ME1: variants seen among roughly 807,000 people sequenced by gnomAD.
ME1 encodes NADP-dependent malic enzyme.
In ME1, 74 loss-of-function variants were observed where a neutral mutation model predicts 66.4. The ratio of observed to expected loss-of-function variants is 1.11; its 90% confidence interval spans 0.92 to 1.35. ME1 has a LOEUF of 1.35. Among genes scored for constraint, ME1 ranks in the 40% most tolerant of loss-of-function variants. The pLI is 0.00. For synonymous variants in ME1, 251 were observed against 235.6 expected (o/e 1.07, Z -0.60); for missense variants, 750 against 694.1 (o/e 1.08, Z -0.90).
At chr6:83,213,600 G>A (rs1789940392) in intron 13 of ME1, among the ~76,000 whole-genome samples, 1 of 152,020 alleles carries the variant, frequency 6.6e-6, no homozygotes, top group Non-Finnish European at 1.5e-5. Flanking sequence ...CTCCTGACCT[G>A]AGGTGATCCA....
At chr6:83,411,262 G>T (rs1456125693) in intron 1 of ME1, among the ~76,000 whole-genome samples, 4 of 152,080 alleles carry the variant, frequency 2.6e-5, no homozygotes, top group African/African-American at 9.7e-5. Flanking sequence ...TACTTGGGAG[G>T]CTGAGGCAGA....
At chr6:83,393,522 A>C (rs897885930) in intron 3 of ME1, 9 of 321,484 alleles carry the variant, frequency 2.8e-5, no homozygotes, top group Non-Finnish European at 5.1e-5. Flanking sequence ...TCCCCTCCTC[A>C]TAGTTTCCAT....
At chr6:83,426,519 T>C (rs542005121) in intron 1 of ME1, among the ~76,000 whole-genome samples, 1 of 152,370 alleles carries the variant, frequency 6.6e-6, no homozygotes, top group South Asian at 2.1e-4. Context: ...AGAATGTGGT[T>C]GGATGAAATT....
chr6:83,255,235 T>C (rs1451518512), intron 6 of ME1, among the ~76,000 whole-genome samples: 1 of 152,004 alleles, frequency 6.6e-6, no homozygotes, highest in East Asian at 1.9e-4. Flanking sequence ...TGTAATTTTT[T>C]CTGGGAGATT....
At chr6:83,307,593 C>A (rs972920726) in intron 6 of ME1, among the ~76,000 whole-genome samples, 4 of 151,980 alleles carry the variant, frequency 2.6e-5, no homozygotes, top group African/African-American at 9.7e-5. Flanking sequence ...TAGATAAAAT[C>A]ACGTAAGTTA....
intron 6 of ME1, among the ~76,000 whole-genome samples, chr6:83,285,841 A>T (rs746967046): frequency 2.3e-4 from 35 of 152,188 alleles, no homozygotes; most frequent in Non-Finnish European, 4.3e-4. Context: ...TTTTTTAGGG[A>T]AGTTATGTTT....
At chr6:83,325,029 C>T (rs1775784) in intron 5 of ME1, among the ~76,000 whole-genome samples, 38,448 of 151,938 alleles carry the variant, frequency 0.25, 5,523 homozygotes, top group Middle Eastern at 0.46. Flanking sequence ...ATCAAGTGGG[C>T]TTCATCCCTG....
chr6:83,214,101 A>G (rs1193170526), intron 13 of ME1, among the ~76,000 whole-genome samples: 2 of 152,208 alleles, frequency 1.3e-5, no homozygotes, highest in South Asian at 2.1e-4. Context: ...CTGTGCAACA[A>G]TATTACCACA....
At chr6:83,357,822 C>A (rs546551925) in intron 3 of ME1, among the ~76,000 whole-genome samples, 1 of 150,742 alleles carries the variant, frequency 6.6e-6, no homozygotes, top group Admixed American at 6.6e-5. Context: ...GGAACTCGGA[C>A]TGGCTCTCCT....
In ME1 at chr6:83,407,783, T is replaced by C; in HGVS notation, c.197A>G (p.Asn66Ser). ...AATGTGTTACCTGTCAAAGTCAGAG[T>C]TCAGATGCTCGAAATTTTTTACTAC... ...LRVVKNFEHL[N>S]SDFDRYLLLM... Residue 66 changes from asparagine (N) to serine (S), a missense_variant, in exon 2 of 14, where the codon AAC becomes AGC. Physicochemically the swap from Asn to Ser is conservative, Grantham distance 46 (BLOSUM62 1). Transcript: ENST00000369705. The C allele has an allele frequency of 6.2e-7, 1 of 1,606,430 alleles. No individual in the cohort carries two copies. Among genetic ancestry groups the C allele is most frequent in the Non-Finnish European group, 8.5e-7 (1 of 1,177,970 alleles).
chr6:83,400,118 T>C (rs1362044648), intron 2 of ME1, among the ~76,000 whole-genome samples: 1 of 152,224 alleles, frequency 6.6e-6, no homozygotes, highest in Non-Finnish European at 1.5e-5. Context: ...GTTTCCTTGC[T>C]GTTTTCTCCT....
chr6:83,383,587 C>G (rs376721697), intron 3 of ME1, among the ~76,000 whole-genome samples: 2 of 151,650 alleles, frequency 1.3e-5, no homozygotes, highest in Non-Finnish European at 2.9e-5. Context: ...TTATTTGGCA[C>G]GTTGACAATA....
intron 13 of ME1, among the ~76,000 whole-genome samples, chr6:83,214,241 T>C (rs1255257435): frequency 6.6e-6 from 1 of 152,188 alleles, no homozygotes; most frequent in Non-Finnish European, 1.5e-5. Context: ...ATCTCCTCTT[T>C]CTGCTCCCAG....
In ME1 at chr6:83,398,518, T is replaced by G; in HGVS notation, c.213-2A>C. The stretch of plus-strand genomic sequence containing the variant: ...TGGAGATCCATTAAGAGAAGATACC[T>G]GTAAAAATTGGACATAATTAGATCT... On this transcript the variant is annotated splice_acceptor_variant, in intron 2 of 13. Coordinates refer to ENST00000369705, the MANE Select transcript of ME1 (RefSeq NM_002395.6). LOFTEE classifies it high-confidence loss of function. The G allele has an allele frequency of 6.7e-7, 1 of 1,502,006 alleles. No individual in the cohort carries two copies. Among genetic ancestry groups the G allele is most frequent in the South Asian group, 1.3e-5 (1 of 79,740 alleles). 93.0% of individuals were successfully genotyped at this position (1,502,006 alleles called of 1,614,324 possible). A position where few individuals can be genotyped will look rare whatever the true frequency, so the allele number is the denominator to read the frequency against.
At chr6:83,259,838 CT>C (rs140259244) in intron 6 of ME1, among the ~76,000 whole-genome samples, 7,382 of 152,074 alleles carry the variant, frequency 0.049, 610 homozygotes, top group African/African-American at 0.17. Flanking sequence ...CTTAATTATT[CT>C]TTGTGACAGT....
chr6:83,386,176 T>C (rs183094360), intron 3 of ME1, among the ~76,000 whole-genome samples: 7 of 152,066 alleles, frequency 4.6e-5, no homozygotes, highest in African/African-American at 1.7e-4. Context: ...CATAGATAAA[T>C]AGTGAAAATG....
chr6:83,218,674 T>C (rs1790035137), intron 12 of ME1, among the ~76,000 whole-genome samples: 1 of 152,146 alleles, frequency 6.6e-6, no homozygotes, highest in Admixed American at 6.5e-5. Flanking sequence ...CAGAGAGAAT[T>C]AGTGGAGTTA....
intron 3 of ME1, among the ~76,000 whole-genome samples, chr6:83,382,756 A>G (rs760749656): frequency 3.3e-5 from 5 of 152,070 alleles, no homozygotes; most frequent in Admixed American, 6.6e-5. Context: ...AGCAACTCAG[A>G]GTAGAGTTGG....
At chr6:83,365,145 T>C (rs1211257761) in intron 3 of ME1, among the ~76,000 whole-genome samples, 1 of 152,120 alleles carries the variant, frequency 6.6e-6, no homozygotes, top group Non-Finnish European at 1.5e-5. Context: ...CAGGCTGGAG[T>C]GCAGCGGCAC....
Sources: allele counts gnomAD v4.1 joint callset (sites outside exome capture counted in the v4.1 genomes callset), GRCh38; gene constraint gnomAD v4.1.1; transcripts MANE v1.5; gene names NCBI Gene and HGNC (gene_info 2026-07-23, HGNC 2026-07-21).